CSNK1G2: variants seen among roughly 807,000 people sequenced by gnomAD.
CSNK1G2 encodes casein kinase 1 gamma 2.
A neutral mutation model predicts 48.0 loss-of-function variants in CSNK1G2; 11 were observed. That is an observed-to-expected ratio of 0.23 (90% confidence interval 0.14 to 0.38). The LOEUF (loss-of-function observed/expected upper bound fraction) is 0.38. Ranked by LOEUF, CSNK1G2 falls within the 10% of genes least tolerant of loss-of-function variation. The pLI, the probability that CSNK1G2 is intolerant of heterozygous loss-of-function variation, is 1.00. For missense variants in CSNK1G2, 446 were observed against 595.5 expected, an observed-to-expected ratio of 0.75 and a Z score of 2.61; for synonymous variants, 337 against 254.1, an observed-to-expected ratio of 1.33 and a Z score of -3.10.
At chr19:1,941,767 C>A (rs2014371954) in intron 1 of CSNK1G2, among the ~76,000 whole-genome samples, 1 of 149,750 alleles carries the variant, frequency 6.7e-6, no homozygotes, top group South Asian at 2.1e-4. Flanking sequence ...GACCCTGCCC[C>A]CGCCGCTCCA....
intron 1 of CSNK1G2, among the ~76,000 whole-genome samples, chr19:1,949,031 G>A (rs891138659): frequency 6.6e-6 from 1 of 152,204 alleles, no homozygotes; most frequent in Non-Finnish European, 1.5e-5. Flanking sequence ...GGTGGGTCTC[G>A]CTGTCTCGGG....
intron 1 of CSNK1G2, among the ~76,000 whole-genome samples, chr19:1,966,460 C>T (rs1277903127): frequency 6.6e-6 from 1 of 152,286 alleles, no homozygotes; most frequent in Admixed American, 6.5e-5. Context: ...GAGGAGTTGC[C>T]TCTGAAGGGT....
chr19:1,956,717 G>A (rs1437181418), intron 1 of CSNK1G2, among the ~76,000 whole-genome samples: 1 of 152,160 alleles, frequency 6.6e-6, no homozygotes, highest in Non-Finnish European at 1.5e-5. Context: ...TGTTTAAGGA[G>A]GTGGCGGTTA....
chr19:1,969,166 A>G (rs892240415), intron 1 of CSNK1G2, among the ~76,000 whole-genome samples: 2 of 152,062 alleles, frequency 1.3e-5, no homozygotes, highest in African/African-American at 4.8e-5. Flanking sequence ...CAGGATCCTC[A>G]GGGCTTCTAC....
Position 1,978,831 on chromosome 19 carries a change from C to G in CSNK1G2, c.448-28C>G. On this transcript the variant is annotated intron_variant, in intron 5 of 11. Transcript: ENST00000255641. The surrounding 1 kb of genome is among the most constrained non-coding windows in gnomAD (Gnocchi z 7.3). Reference sequence around the variant, plus strand: ...GGAGCGCGTGGGACGGGGAGGGGCCCGGCCGACACCGCCGTGCCCCCCTGC... The same window carrying G: ...GGAGCGCGTGGGACGGGGAGGGGCCGGGCCGACACCGCCGTGCCCCCCTGC... 4 of 1,592,508 alleles carry G rather than the reference C, an allele frequency of 2.5e-6. No individual in the cohort carries two copies. The highest frequency in any genetic ancestry group is 3.4e-6 in the Non-Finnish European group (4 of 1,172,486).
Position 1,979,329 on chromosome 19 carries a change from T to C in CSNK1G2, c.779T>C (p.Leu260Pro). The change falls in exon 8 of 12, where the codon CTC becomes CCC. Residue 260 changes from leucine to proline, a missense_variant. Transcript: ENST00000255641. ...CACAGACCCCCGCAGGCCGACACGC[T>C]CAAGGAGCGGTACCAGAAGATCGGG... ...LPWQGLKADTLKERYQKIGDT... is the reference protein window; with the variant it reads ...LPWQGLKADTPKERYQKIGDT... 1 of 1,602,514 alleles carries C rather than the reference T, an allele frequency of 6.2e-7. No homozygotes were observed. Among genetic ancestry groups the C allele is most frequent in the Non-Finnish European group, 8.5e-7 (1 of 1,175,916 alleles).
intron 1 of CSNK1G2, chr19:1,954,857 G>C (rs1179847133): frequency 6.6e-6 from 1 of 152,360 alleles, no homozygotes; most frequent in Non-Finnish European, 1.5e-5. Context: ...TCGCCCCCTG[G>C]GACGGAATCG....
At chr19:1,976,986 G>A (rs775900092) in intron 2 of CSNK1G2, among the ~76,000 whole-genome samples, 113 of 152,292 alleles carry the variant, frequency 7.4e-4, no homozygotes, top group South Asian at 1.9e-3. Flanking sequence ...TGATCCGCCT[G>A]CGTCAGCCTC....
intron 2 of CSNK1G2, among the ~76,000 whole-genome samples, chr19:1,973,551 T>C (rs937456678): frequency 3.9e-5 from 6 of 152,114 alleles, no homozygotes; most frequent in African/African-American, 4.8e-5. Flanking sequence ...GTGACAGGAG[T>C]GCTTGGCCCT....
intron 1 of CSNK1G2, among the ~76,000 whole-genome samples, chr19:1,951,300 G>A (rs2014753354): frequency 6.9e-6 from 1 of 144,924 alleles, no homozygotes; most frequent in African/African-American, 2.7e-5. Flanking sequence ...CTACTCGGGA[G>A]GCTGAGGCAG....
intron 1 of CSNK1G2, among the ~76,000 whole-genome samples, chr19:1,948,403 C>G (rs572207317): frequency 7.2e-5 from 11 of 152,098 alleles, no homozygotes; most frequent in African/African-American, 9.6e-5. Flanking sequence ...GGCGCCTGTA[C>G]TCCCAGCTAC....
Position 1,948,542 on chromosome 19 carries a change from C to CA in CSNK1G2, c.-266+7136dup, listed in dbSNP as rs1252415580. Among the ~76,000 whole-genome samples, 67 of 72,532 alleles carry CA rather than the reference C, an allele frequency of 9.2e-4. 1 individual carries two copies. The highest frequency in any genetic ancestry group is 1.3e-3 in the African/African-American group (34 of 25,920). 47.6% of individuals were successfully genotyped at this position (72,532 alleles called of 152,430 possible). On this transcript the variant is annotated intron_variant, in intron 1 of 11. Transcript: ENST00000255641. ...GTCTCAAAAAAAAAAAAAAAAAACG[C>CA]AAAAAAAAAAAAGATCCCGTCACAC...
At chr19:1,946,909 C>A (rs1215027739) in intron 1 of CSNK1G2, among the ~76,000 whole-genome samples, 2 of 151,640 alleles carry the variant, frequency 1.3e-5, no homozygotes, top group Non-Finnish European at 2.9e-5. Flanking sequence ...CTGTGCCCGG[C>A]CTATTCATTT....
At position 1,979,311 on chromosome 19, in the gene CSNK1G2, C is replaced by A. The variant is rs1323899563; in HGVS notation, c.769-8C>A. On this transcript the variant is annotated splice_polypyrimidine_tract_variant and splice_region_variant and intron_variant, in intron 7 of 11. Coordinates refer to ENST00000255641, the MANE Select transcript of CSNK1G2 (RefSeq NM_001319.7). ...GGCGGGAGCAAGGCTGACCACAGAC[C>A]CCCGCAGGCCGACACGCTCAAGGAG... The A allele has an allele frequency of 1.3e-6, 2 of 1,595,944 alleles. No homozygotes were observed. Among genetic ancestry groups the A allele is most frequent in the Admixed American group, 1.7e-5 (1 of 57,336 alleles).
intron 1 of CSNK1G2, chr19:1,953,989 G>A (rs150508720): frequency 9.4e-6 from 5 of 533,846 alleles, no homozygotes; most frequent in African/African-American, 1.9e-5. Flanking sequence ...GATGACAGTC[G>A]CCCTTGGTCT....
At chr19:1,971,870 C>T (rs943348402) in intron 2 of CSNK1G2, among the ~76,000 whole-genome samples, 11 of 151,016 alleles carry the variant, frequency 7.3e-5, no homozygotes, top group African/African-American at 2.2e-4. Flanking sequence ...CCCGGGTTCA[C>T]GCCATTCTCC....
At chr19:1,949,581 C>A (rs1446180281) in intron 1 of CSNK1G2, among the ~76,000 whole-genome samples, 7 of 152,252 alleles carry the variant, frequency 4.6e-5, no homozygotes, top group African/African-American at 1.7e-4. Flanking sequence ...GCTGCGAGCA[C>A]CCGTGTCCGG....
chr19:1,966,877 T>C (rs976578364), intron 1 of CSNK1G2, among the ~76,000 whole-genome samples: 9 of 152,092 alleles, frequency 5.9e-5, no homozygotes, highest in Non-Finnish European at 2.9e-5. Context: ...TTTATTTCTT[T>C]ATTATTTATT....
intron 2 of CSNK1G2, chr19:1,976,250 G>A: frequency 3.8e-6 from 2 of 531,968 alleles, no homozygotes; most frequent in Non-Finnish European, 6.1e-6. Context: ...TGAAAACGCG[G>A]GGACCAGCCC....
Sources: allele counts gnomAD v4.1 joint callset (sites outside exome capture counted in the v4.1 genomes callset), GRCh38; gene constraint gnomAD v4.1.1; non-coding constraint Gnocchi (gnomAD v3.1); transcripts MANE v1.5; gene names NCBI Gene and HGNC (gene_info 2026-07-23, HGNC 2026-07-21).